METTL15: variants seen among roughly 807,000 people sequenced by gnomAD.
METTL15 encodes the protein methyltransferase 15, mitochondrial 12S rRNA N4-cytidine.
A neutral mutation model predicts 38.3 loss-of-function variants in METTL15; 34 were observed. The ratio of observed to expected loss-of-function variants is 0.89; its 90% confidence interval spans 0.68 to 1.18. METTL15 has a LOEUF of 1.18. METTL15 is among the 50% of genes most tolerant of loss of function. METTL15 has a pLI of 0.00. For synonymous variants in METTL15, 162 were observed against 170.9 expected, an observed-to-expected ratio of 0.95 and a Z score of 0.41; for missense variants, 438 against 498.4, an observed-to-expected ratio of 0.88 and a Z score of 1.15.
intron 6 of METTL15, among the ~76,000 whole-genome samples, chr11:28,312,629 T>A (rs1393820682): frequency 6.6e-6 from 1 of 152,172 alleles, no homozygotes; most frequent in Non-Finnish European, 1.5e-5. Context: ...GCTGGATAAT[T>A]TATAATCAAC....
intron 3 of METTL15, among the ~76,000 whole-genome samples, chr11:28,131,885 AGTT>A (rs1265585676): frequency 1.3e-5 from 2 of 152,160 alleles, no homozygotes. Context: ...TGAGCTATTT[AGTT>A]GTTGTACTTG....
intron 5 of METTL15, among the ~76,000 whole-genome samples, chr11:28,403,438 C>A (rs1850647096): frequency 6.6e-6 from 1 of 151,994 alleles, no homozygotes; most frequent in African/African-American, 2.4e-5. Context: ...TCATTGTCAT[C>A]CACATTTTGT....
intron 3 of METTL15, among the ~76,000 whole-genome samples, chr11:28,209,803 A>T (rs776450448): frequency 6.6e-6 from 1 of 152,034 alleles, no homozygotes; most frequent in Non-Finnish European, 1.5e-5. Context: ...CATTCAGAGC[A>T]TGGAAATATA....
chr11:28,117,489 A>T lies in METTL15; in HGVS notation c.270+3885A>T, dbSNP rs79641236. ...CAAATTGCACTACATCTTCTAGCAA[A>T]TCAGTATTGTATCCAACTATTTTCT... On this transcript the variant is annotated intron_variant, in intron 3 of 6. Coordinates refer to ENST00000407364, the MANE Select transcript of METTL15 (RefSeq NM_001113528.2). Among the ~76,000 whole-genome samples the T allele has an allele frequency of 1.7e-3, 264 of 152,226 alleles. 1 individual carries two copies. The highest frequency in any genetic ancestry group is 6.2e-3 in the African/African-American group (256 of 41,548).
intron 3 of METTL15, among the ~76,000 whole-genome samples, chr11:28,185,533 T>G (rs1429831102): frequency 4.0e-5 from 6 of 151,442 alleles, no homozygotes; most frequent in African/African-American, 1.5e-4. Flanking sequence ...AATTAGTAGC[T>G]GTTGCCATCA....
At chr11:28,118,906 A>G (rs988782065) in intron 3 of METTL15, among the ~76,000 whole-genome samples, 14 of 152,222 alleles carry the variant, frequency 9.2e-5, no homozygotes, top group Admixed American at 9.2e-4. Context: ...GTTGAGCCCA[A>G]TAAACATTAG....
At chr11:28,509,028 G>T (rs151330582) in intron 6 of METTL15, among the ~76,000 whole-genome samples, 1 of 152,104 alleles carries the variant, frequency 6.6e-6, no homozygotes, top group Admixed American at 6.6e-5. Flanking sequence ...AATTTCCTGG[G>T]CCTCCTTTTT....
At chr11:28,227,225 G>A (rs1169563891) in intron 4 of METTL15, among the ~76,000 whole-genome samples, 6 of 151,666 alleles carry the variant, frequency 4.0e-5, no homozygotes, top group Admixed American at 6.6e-5. Flanking sequence ...TAGTTTTGAC[G>A]GTTCCAGAGG....
At chr11:28,464,844 T>C (rs1235678265) in intron 6 of METTL15, among the ~76,000 whole-genome samples, 2 of 152,218 alleles carry the variant, frequency 1.3e-5, no homozygotes, top group African/African-American at 4.8e-5. Flanking sequence ...CTCTTTGCCT[T>C]ATACAAAAAG....
In METTL15 at chr11:28,176,802, G is replaced by A. The variant is rs183630102; in HGVS notation, c.271-34260G>A. Among the ~76,000 whole-genome samples the A allele has an allele frequency of 1.7e-4, 26 of 152,126 alleles. No individual in the cohort carries two copies. In the East Asian group the frequency reaches 4.5e-3, roughly 26 times the overall value. ...TGTAAAATGGAATTATGATATTACTGTGTATGGTTTTTGTAAAAAAGGAAA... is the reference window on the plus strand; with the variant it reads ...TGTAAAATGGAATTATGATATTACTATGTATGGTTTTTGTAAAAAAGGAAA... On this transcript the variant is annotated intron_variant, in intron 3 of 6. Coordinates refer to ENST00000407364, the MANE Select transcript of METTL15 (RefSeq NM_001113528.2).
At chr11:28,499,007 G>A (rs1851559168) in intron 6 of METTL15, among the ~76,000 whole-genome samples, 2 of 152,222 alleles carry the variant, frequency 1.3e-5, no homozygotes, top group African/African-American at 4.8e-5. Flanking sequence ...TAACTCTGCT[G>A]TATGATCATG....
intron 6 of METTL15, chr11:28,327,820 T>A (rs1345499425): frequency 3.5e-6 from 1 of 288,682 alleles, no homozygotes; most frequent in Admixed American, 5.4e-5. Flanking sequence ...TTTCATTAAT[T>A]TTACAAAACA....
rs59729387 is a variant in METTL15 at position 28,204,435 on chromosome 11, C to CTTTT, written c.271-6604_271-6601dup. Among the ~76,000 whole-genome samples, 188 of 79,338 alleles carry CTTTT rather than the reference C, an allele frequency of 2.4e-3. 6 individuals are homozygous for CTTTT. Among genetic ancestry groups the CTTTT allele is most frequent in the African/African-American group, 7.3e-3 (146 of 19,924 alleles). The allele number at this position is 79,338 out of a possible 152,430, so 52.0% of individuals were successfully genotyped here. The stretch of plus-strand genomic sequence containing the variant: ...ATTTTCTCTCTGCACCTGAGTTTTC[C>CTTTT]TTTTTTTTTTTTTTTTTTTTTTTTT... On this transcript the variant is annotated intron_variant, in intron 3 of 6. Transcript: ENST00000407364.
chr11:28,116,182 A>G (rs1193360431), intron 3 of METTL15, among the ~76,000 whole-genome samples: 3 of 152,172 alleles, frequency 2.0e-5, no homozygotes, highest in Non-Finnish European at 2.9e-5. Flanking sequence ...TAATCCTGCC[A>G]TGAATACTGT....
chr11:28,135,564 G>T (rs530064286), intron 3 of METTL15, among the ~76,000 whole-genome samples: 54 of 152,286 alleles, frequency 3.5e-4, no homozygotes, highest in African/African-American at 1.2e-3. Context: ...TGCAAGCCAT[G>T]CTTGATTCCT....
intron 4 of METTL15, among the ~76,000 whole-genome samples, chr11:28,212,277 C>T (rs1184442571): frequency 2.0e-5 from 3 of 151,836 alleles, no homozygotes; most frequent in African/African-American, 7.3e-5. Context: ...ACCATTTGAC[C>T]GCAGATTATT....
intron 4 of METTL15, among the ~76,000 whole-genome samples, chr11:28,240,208 A>G (rs1368720788): frequency 6.6e-6 from 1 of 152,208 alleles, no homozygotes; most frequent in East Asian, 1.9e-4. Context: ...CTAAGTAAAT[A>G]TATATAACAC....
At chr11:28,240,264 A>G (rs796084542) in intron 4 of METTL15, among the ~76,000 whole-genome samples, 6 of 152,356 alleles carry the variant, frequency 3.9e-5, no homozygotes, top group African/African-American at 1.4e-4. Context: ...AAGATCAGCT[A>G]TACTTTGTTC....
intron 6 of METTL15, among the ~76,000 whole-genome samples, chr11:28,500,573 C>T (rs1045965592): frequency 1.1e-4 from 17 of 151,826 alleles, no homozygotes; most frequent in Non-Finnish European, 1.6e-4. Flanking sequence ...CGCTCTGCCA[C>T]CCAGGCTGGA....
Sources: gnomAD v4.1 joint callset for allele counts (sites outside exome capture counted in the v4.1 genomes callset) on GRCh38, gnomAD v4.1.1 for gene constraint, MANE v1.5 for transcripts, NCBI Gene and HGNC (gene_info 2026-07-23, HGNC 2026-07-21) for gene names.